PRR16: variants seen among roughly 807,000 people sequenced by gnomAD.
PRR16 encodes the protein proline rich 16.
In PRR16, 6 loss-of-function variants were observed where a neutral mutation model predicts 18.2. The observed-to-expected ratio is 0.33, with a 90% CI of 0.18 to 0.65. The LOEUF is 0.65. PRR16 is among the 30% of genes least tolerant of loss of function. The probability of loss-of-function intolerance (pLI) is 0.74; values close to 1 mark genes in which losing one functional copy is unlikely to be tolerated. For missense variants in PRR16, 412 were observed against 376.6 expected (o/e 1.09, Z -0.78); for synonymous variants, 151 against 147.8 (o/e 1.02, Z -0.16).
chr5:120,710,303 T>A, the PRR16 span, among the ~76,000 whole-genome samples: 1 of 152,144 alleles, frequency 6.6e-6, no homozygotes, highest in Admixed American at 6.6e-5. Context: ...CAAGGCTTTT[T>A]AAAAAATTTA....
the PRR16 span, among the ~76,000 whole-genome samples, chr5:120,748,877 C>A: frequency 6.6e-6 from 1 of 152,038 alleles, no homozygotes; most frequent in African/African-American, 2.4e-5. Flanking sequence ...TGAAAATTTA[C>A]TTTTATTTAA....
chr5:120,601,583 C>A (rs532044978), intron 1 of PRR16, among the ~76,000 whole-genome samples: 24 of 151,958 alleles, frequency 1.6e-4, no homozygotes, highest in Non-Finnish European at 5.9e-5. Context: ...GTCCCACTTA[C>A]TAATTTTTGT....
intron 1 of PRR16, among the ~76,000 whole-genome samples, chr5:120,571,199 G>A (rs1180091879): frequency 6.6e-6 from 1 of 152,170 alleles, no homozygotes; most frequent in Non-Finnish European, 1.5e-5. Context: ...TTGATACTCT[G>A]GAGAGAGGTC....
chr5:120,554,287 CATTTACAAGATT>C (rs1752344810), intron 1 of PRR16, among the ~76,000 whole-genome samples: 1 of 151,792 alleles, frequency 6.6e-6, no homozygotes, highest in African/African-American at 2.4e-5. Context: ...TTTACAAGAT[CATTTACAAGATT>C]ACCATCTGAA....
intron 1 of PRR16, among the ~76,000 whole-genome samples, chr5:120,501,865 A>C (rs1398091228): frequency 7.0e-6 from 1 of 142,094 alleles, no homozygotes; most frequent in Non-Finnish European, 1.5e-5. Context: ...CTGAGGCAGG[A>C]GAATGGTGTG....
chr5:120,596,956 A>G (rs1753833443), intron 1 of PRR16, among the ~76,000 whole-genome samples: 1 of 151,746 alleles, frequency 6.6e-6, no homozygotes, highest in Non-Finnish European at 1.5e-5. Flanking sequence ...TATGAAGGGC[A>G]TTACATCCTA....
chr5:120,477,004 C>T (rs1186496418), intron 1 of PRR16, among the ~76,000 whole-genome samples: 3 of 152,110 alleles, frequency 2.0e-5, no homozygotes, highest in Non-Finnish European at 4.4e-5. Flanking sequence ...CAGCAGTTGA[C>T]AGTCTCTTTA....
rs140196969 is a variant in PRR16 at position 120,481,870 on chromosome 5, C to T, written c.159+17225C>T. ...TATATTCAAATAGGTCTCCATTACACGAGAGAACCAAGAAGTATCTAATTT... is the reference window on the plus strand; with the variant it reads ...TATATTCAAATAGGTCTCCATTACATGAGAGAACCAAGAAGTATCTAATTT... On this transcript the variant is annotated intron_variant, in intron 1 of 1. Coordinates refer to ENST00000407149, the MANE Select transcript of PRR16 (RefSeq NM_001300783.2). Among the ~76,000 whole-genome samples the T allele has an allele frequency of 4.2e-3, 637 of 152,198 alleles. 2 individuals are homozygous for T. The highest frequency in any genetic ancestry group is 0.014 in the African/African-American group (600 of 41,528).
At chr5:120,656,262 T>C (rs1039908201) in intron 1 of PRR16, among the ~76,000 whole-genome samples, 1 of 151,928 alleles carries the variant, frequency 6.6e-6, no homozygotes, top group African/African-American at 2.4e-5. Context: ...AGAAGTCAAC[T>C]GAGTAGTTAG....
the PRR16 span, among the ~76,000 whole-genome samples, chr5:120,725,807 A>G: frequency 6.6e-6 from 1 of 152,056 alleles, no homozygotes; most frequent in Non-Finnish European, 1.5e-5. Context: ...ATACTGGGTA[A>G]AATTGATTTT....
At chr5:120,794,457 A>G in the PRR16 span, among the ~76,000 whole-genome samples, 2 of 152,160 alleles carry the variant, frequency 1.3e-5, no homozygotes, top group Non-Finnish European at 2.9e-5. Flanking sequence ...GTATATTGAT[A>G]TTCATATTAT....
chr5:120,780,084 T>A, the PRR16 span, among the ~76,000 whole-genome samples: 3 of 152,194 alleles, frequency 2.0e-5, no homozygotes, highest in Non-Finnish European at 2.9e-5. Flanking sequence ...TTTTTGTTGT[T>A]GTTGTTTACA....
chr5:120,724,232 A>C, the PRR16 span, among the ~76,000 whole-genome samples: 1 of 152,074 alleles, frequency 6.6e-6, no homozygotes, highest in Non-Finnish European at 1.5e-5. Flanking sequence ...TAATTTGGGA[A>C]TAATTAACTT....
At chr5:120,748,311 T>C in the PRR16 span, among the ~76,000 whole-genome samples, 20 of 152,224 alleles carry the variant, frequency 1.3e-4, no homozygotes, top group South Asian at 6.2e-4. Context: ...CAAATAGTAA[T>C]TCTCTTCTAA....
At chr5:120,707,313 G>A in the PRR16 span, among the ~76,000 whole-genome samples, 9 of 152,096 alleles carry the variant, frequency 5.9e-5, no homozygotes, top group African/African-American at 2.2e-4. Context: ...ATTCTAATAT[G>A]TTCCATAGCT....
chr5:120,758,979 T>C, the PRR16 span, among the ~76,000 whole-genome samples: 2 of 143,628 alleles, frequency 1.4e-5, no homozygotes, highest in Non-Finnish European at 3.1e-5. Flanking sequence ...AATTTCTTTT[T>C]TTTTTTTTTT....
At position 120,611,223 on chromosome 5, in the gene PRR16, A is replaced by C. The variant is rs140281664; in HGVS notation, c.160-74731A>C. On this transcript the variant is annotated intron_variant, in intron 1 of 1. Transcript: ENST00000407149. Reference sequence around the variant, plus strand: ...TGCTGTTAAAAGCATTCAGTTTTATAAGGGAAGCAGAGCGTTAAAGTTTGG... The same window carrying C: ...TGCTGTTAAAAGCATTCAGTTTTATCAGGGAAGCAGAGCGTTAAAGTTTGG... Among the ~76,000 whole-genome samples the C allele has an allele frequency of 8.9e-4, 135 of 152,304 alleles. No homozygotes were observed. In the East Asian group the frequency reaches 0.018, roughly 20 times the overall value.
the PRR16 span, among the ~76,000 whole-genome samples, chr5:120,770,405 T>A: frequency 6.6e-6 from 1 of 151,970 alleles, no homozygotes; most frequent in Non-Finnish European, 1.5e-5. Context: ...TGCCTTACAT[T>A]ATACAGAAAA....
At chr5:120,611,236 C>T (rs575361839) in intron 1 of PRR16, among the ~76,000 whole-genome samples, 4 of 152,216 alleles carry the variant, frequency 2.6e-5, no homozygotes, top group Admixed American at 6.5e-5. Flanking sequence ...GGAAGCAGAG[C>T]GTTAAAGTTT....
Sources: gnomAD v4.1 joint callset for allele counts (sites outside exome capture counted in the v4.1 genomes callset) on GRCh38, gnomAD v4.1.1 for gene constraint, MANE v1.5 for transcripts, NCBI Gene and HGNC (gene_info 2026-07-23, HGNC 2026-07-21) for gene names.